ATG14: variants seen among roughly 807,000 people sequenced by gnomAD.
The protein encoded by ATG14 is beclin 1-associated autophagy-related key regulator.
Under a neutral mutation model 60.4 loss-of-function variants are expected in ATG14, and 35 were observed. That is an observed-to-expected ratio of 0.58 (90% CI 0.44 to 0.77). The LOEUF (loss-of-function observed/expected upper bound fraction) is 0.77. Among genes scored for constraint, ATG14 ranks in the 30% least tolerant of loss-of-function variants. The pLI is 0.00. For missense variants in ATG14, 647 were observed against 626.3 expected (o/e 1.03, Z -0.35); for synonymous variants, 234 against 228.8 (o/e 1.02, Z -0.21).
At chr14:55,398,243 G>A (rs371044551) in intron 1 of ATG14, among the ~76,000 whole-genome samples, 127 of 152,148 alleles carry the variant, frequency 8.3e-4, no homozygotes, top group African/African-American at 2.7e-3. Context: ...GAGCCACCGC[G>A]CCCAGCATAG....
At chr14:55,383,767 A>G (rs924416171) in intron 5 of ATG14, among the ~76,000 whole-genome samples, 1 of 150,980 alleles carries the variant, frequency 6.6e-6, no homozygotes, top group Non-Finnish European at 1.5e-5. Flanking sequence ...AAATCAAAAA[A>G]CAAAAAAAAA....
intron 9 of ATG14, among the ~76,000 whole-genome samples, chr14:55,372,116 C>T (rs1032674362): frequency 2.6e-5 from 4 of 152,136 alleles, no homozygotes; most frequent in African/African-American, 9.7e-5. Context: ...GGTTACTAAA[C>T]CCTCAGGCTC....
At chr14:55,385,112 C>CT (rs1885101348) in intron 5 of ATG14, among the ~76,000 whole-genome samples, 2 of 152,332 alleles carry the variant, frequency 1.3e-5, no homozygotes, top group Admixed American at 6.5e-5. Flanking sequence ...TGCCCACCAT[C>CT]TAAGAGACCC....
intron 1 of ATG14, among the ~76,000 whole-genome samples, chr14:55,399,265 TTTAAA>T (rs1357515493): frequency 6.6e-6 from 1 of 152,270 alleles, no homozygotes; most frequent in African/African-American, 2.4e-5. Context: ...ACTATTTAAA[TTTAAA>T]TTAATTAAAA....
chr14:55,394,005 ATTTT>A (rs1300990357), intron 3 of ATG14, among the ~76,000 whole-genome samples: 3 of 138,916 alleles, frequency 2.2e-5, no homozygotes, highest in Non-Finnish European at 3.1e-5. Context: ...CAGTATCATA[ATTTT>A]TTTTTTTTTT....
intron 6 of ATG14, among the ~76,000 whole-genome samples, chr14:55,381,635 A>G (rs1885035349): frequency 6.6e-6 from 1 of 152,248 alleles, no homozygotes; most frequent in South Asian, 2.1e-4. Flanking sequence ...GCTAAGTGAA[A>G]GAAGTCTGAC....
intron 9 of ATG14, among the ~76,000 whole-genome samples, chr14:55,375,503 T>G (rs937392732): frequency 4.3e-5 from 6 of 139,172 alleles, no homozygotes; most frequent in Admixed American, 6.9e-5. Context: ...TTTTTTTTTT[T>G]TTTTTTTTTT....
At chr14:55,402,284 G>A (rs1314061787) in intron 1 of ATG14, among the ~76,000 whole-genome samples, 1 of 152,072 alleles carries the variant, frequency 6.6e-6, no homozygotes, top group Non-Finnish European at 1.5e-5. Flanking sequence ...TTTACTTTGT[G>A]CCTAAGGTTA....
intron 1 of ATG14, among the ~76,000 whole-genome samples, chr14:55,410,406 T>C (rs1273272346): frequency 1.3e-5 from 2 of 152,208 alleles, no homozygotes; most frequent in Admixed American, 1.3e-4. Context: ...CATTTCCATC[T>C]CATACCCCGT....
chr14:55,379,991 A>T (rs1884997681), intron 7 of ATG14, among the ~76,000 whole-genome samples: 1 of 152,244 alleles, frequency 6.6e-6, no homozygotes, highest in African/African-American at 2.4e-5. Flanking sequence ...GCTCACCTGT[A>T]ATCCCAGCAC....
chr14:55,397,517 A>T, intron 1 of ATG14, 83 bp from the exon 2 acceptor site: 1 of 1,077,080 alleles, frequency 9.3e-7, no homozygotes, highest in Non-Finnish European at 1.4e-6. Context: ...AGAACCAATC[A>T]TTCTGCAGAG....
intron 7 of ATG14, among the ~76,000 whole-genome samples, chr14:55,379,579 A>T (rs946956704): frequency 1.3e-5 from 2 of 152,180 alleles, no homozygotes; most frequent in Admixed American, 1.3e-4. Flanking sequence ...TAATTTTTTA[A>T]AAAAATTAAA....
At chr14:55,370,833 G>A (rs1008090365) in intron 9 of ATG14, among the ~76,000 whole-genome samples, 2 of 152,024 alleles carry the variant, frequency 1.3e-5, no homozygotes, top group African/African-American at 4.8e-5. Flanking sequence ...TAGAGACGGG[G>A]TTTCACCACG....
At chr14:55,395,113 G>C (rs942658509) in intron 3 of ATG14, 24 of 427,030 alleles carry the variant, frequency 5.6e-5, no homozygotes, top group Non-Finnish European at 4.9e-5. Flanking sequence ...ATCCTTTCCT[G>C]CTGCTTTCTC....
intron 5 of ATG14, among the ~76,000 whole-genome samples, chr14:55,385,091 C>T (rs1410757928): frequency 6.6e-6 from 1 of 152,138 alleles, no homozygotes; most frequent in East Asian, 1.9e-4. Context: ...AAAGGCTAAG[C>T]CAACATGTAG....
chr14:55,378,877 T>C (rs772240978), intron 7 of ATG14, among the ~76,000 whole-genome samples: 3 of 152,082 alleles, frequency 2.0e-5, no homozygotes, highest in Non-Finnish European at 4.4e-5. Flanking sequence ...AGCTAATTTT[T>C]TTTTATTTTT....
intron 1 of ATG14, among the ~76,000 whole-genome samples, 179 bp downstream of exon 1, chr14:55,411,423 C>T (rs1397041210): frequency 6.6e-6 from 1 of 152,230 alleles, no homozygotes; most frequent in South Asian, 2.1e-4. Context: ...CCTCATCTGG[C>T]CCCTACGCTG....
chr14:55,411,454 G>C (rs867618890), intron 1 of ATG14, 148 bp downstream of exon 1: 1 of 797,582 alleles, frequency 1.3e-6, no homozygotes, highest in South Asian at 1.8e-5. Flanking sequence ...GCAAAGCTCC[G>C]GTGCAGAGCA....
intron 9 of ATG14, 152 bp from the exon 10 acceptor site, chr14:55,370,077 A>AT (rs1009963478): frequency 3.2e-6 from 2 of 621,014 alleles, no homozygotes; most frequent in African/African-American, 3.6e-5. Context: ...GTGTTGACAT[A>AT]TGATTGCGTT....
Sources: gnomAD v4.1 joint callset for allele counts (sites outside exome capture counted in the v4.1 genomes callset) on GRCh38, gnomAD v4.1.1 for gene constraint, MANE v1.5 for transcripts, NCBI Gene and HGNC (gene_info 2026-07-23, HGNC 2026-07-21) for gene names.